Variants in SNX29 observed in about 807,000 individuals in gnomAD.
SNX29 encodes the protein sorting nexin 29, also known as sorting nexin-29.
In SNX29, 78 loss-of-function variants were observed where a neutral mutation model predicts 102.1. The observed-to-expected ratio is 0.76, with a 90% CI of 0.64 to 0.92. SNX29 has a LOEUF of 0.92. Among genes scored for constraint, SNX29 ranks in the 40% least tolerant of loss-of-function variants. The pLI is 0.00. For synonymous variants in SNX29, 580 were observed against 414.5 expected, an observed-to-expected ratio of 1.40 and a Z score of -4.85; for missense variants, 1,280 against 1,061.7, an observed-to-expected ratio of 1.21 and a Z score of -2.86.
chr16:12,305,906 A>T (rs1026985295), intron 15 of SNX29, among the ~76,000 whole-genome samples: 5 of 152,194 alleles, frequency 3.3e-5, no homozygotes, highest in Non-Finnish European at 7.3e-5. Flanking sequence ...GTAATATGCC[A>T]ATTCTCCAGC....
At chr16:12,064,738 GC>G (rs1310705874) in intron 9 of SNX29, among the ~76,000 whole-genome samples, 1 of 152,202 alleles carries the variant, frequency 6.6e-6, no homozygotes, top group Admixed American at 6.5e-5. Context: ...GAGGTGTGGG[GC>G]CGACTGGTGC....
chr16:12,010,356 C>T (rs1261282442), intron 3 of SNX29, among the ~76,000 whole-genome samples: 1 of 152,166 alleles, frequency 6.6e-6, no homozygotes, highest in Admixed American at 6.5e-5. Context: ...TGCAGTGGCC[C>T]GCACTTGTAA....
intron 18 of SNX29, among the ~76,000 whole-genome samples, chr16:12,420,918 C>T (rs762820240): frequency 2.6e-4 from 39 of 152,328 alleles, no homozygotes; most frequent in African/African-American, 8.4e-4. Context: ...CTTCTTGTCT[C>T]CTCCGCAGTT....
At chr16:12,394,826 C>T (rs1176797211) in intron 16 of SNX29, among the ~76,000 whole-genome samples, 1 of 152,240 alleles carries the variant, frequency 6.6e-6, no homozygotes, top group African/African-American at 2.4e-5. Flanking sequence ...AGTGATCTCT[C>T]TTGTCCTTGC....
chr16:12,042,318 C>T (rs1229711527), intron 4 of SNX29, among the ~76,000 whole-genome samples: 4 of 152,170 alleles, frequency 2.6e-5, no homozygotes, highest in Non-Finnish European at 5.9e-5. Flanking sequence ...CATGAGCCAC[C>T]GTTCCCAGCT....
intron 14 of SNX29, among the ~76,000 whole-genome samples, chr16:12,215,300 C>T (rs867350555): frequency 7.1e-6 from 1 of 140,368 alleles, no homozygotes; most frequent in South Asian, 2.7e-4. Flanking sequence ...GAGTTTGAGA[C>T]GCAATCTCTA....
chr16:12,549,046 C>T (rs1419861547), intron 20 of SNX29, among the ~76,000 whole-genome samples: 2 of 152,206 alleles, frequency 1.3e-5, no homozygotes, highest in Non-Finnish European at 2.9e-5. Context: ...TAGGTGAGTC[C>T]ACTCTTGCAG....
At chr16:12,347,825 C>T (rs1273984986) in intron 15 of SNX29, among the ~76,000 whole-genome samples, 17 of 151,224 alleles carry the variant, frequency 1.1e-4, no homozygotes, top group Non-Finnish European at 1.2e-4. Context: ...TGCCTATAAT[C>T]GTAGCACTTC....
At chr16:12,561,822 A>G (rs1005063693) in intron 20 of SNX29, among the ~76,000 whole-genome samples, 1 of 152,010 alleles carries the variant, frequency 6.6e-6, no homozygotes, top group Non-Finnish European at 1.5e-5. Context: ...CGCAGCTTAC[A>G]TCCTTCTCCC....
In SNX29 at chr16:12,390,891, AAAAAG is replaced by A. The variant is rs1345227632; in HGVS notation, c.1900-7545_1900-7541del. Among the ~76,000 whole-genome samples the A allele has an allele frequency of 8.8e-3, 1,334 of 152,102 alleles. 17 individuals are homozygous for A. The highest frequency in any genetic ancestry group is 0.03 in the African/African-American group (1,257 of 41,462). On this transcript the variant is annotated intron_variant, in intron 16 of 20. Transcript: ENST00000566228. ...TCTTGTTCAGTCTTTAAAAAAAAAAAAAAAGAAAAGAAAAAAACACTTACTTAGAA... is the reference window on the plus strand; with the variant it reads ...TCTTGTTCAGTCTTTAAAAAAAAAAAAAAAGAAAAAAACACTTACTTAGAA...
intron 1 of SNX29, among the ~76,000 whole-genome samples, chr16:11,995,483 G>A (rs1034711083): frequency 3.3e-5 from 5 of 152,048 alleles, no homozygotes; most frequent in Non-Finnish European, 4.4e-5. Context: ...CAGGAAGTGT[G>A]AGCCTCTGGG....
chr16:12,111,808 A>G (rs2053512912), intron 11 of SNX29, among the ~76,000 whole-genome samples: 1 of 152,182 alleles, frequency 6.6e-6, no homozygotes, highest in African/African-American at 2.4e-5. Flanking sequence ...AAGCAAAATC[A>G]TGGGAGTACG....
At chr16:12,556,796 C>T (rs749021598) in intron 20 of SNX29, among the ~76,000 whole-genome samples, 1 of 152,048 alleles carries the variant, frequency 6.6e-6, no homozygotes, top group Non-Finnish European at 1.5e-5. Flanking sequence ...CAACAGTTGC[C>T]CCCTTTACTA....
intron 15 of SNX29, among the ~76,000 whole-genome samples, chr16:12,352,513 TAA>T (rs112646643): frequency 6.7e-6 from 1 of 148,512 alleles, no homozygotes; most frequent in African/African-American, 2.5e-5. Context: ...ACTTAAAGTA[TAA>T]AAAAAAAAAT....
chr16:12,142,471 C>T (rs2054901034), intron 13 of SNX29, among the ~76,000 whole-genome samples: 1 of 152,172 alleles, frequency 6.6e-6, no homozygotes, highest in South Asian at 2.1e-4. Context: ...ATACACATGT[C>T]AGTCAAGAGG....
intron 19 of SNX29, among the ~76,000 whole-genome samples, chr16:12,514,267 C>T (rs1344304535): frequency 6.6e-6 from 1 of 152,126 alleles, no homozygotes; most frequent in African/African-American, 2.4e-5. Flanking sequence ...CCTGTCACTC[C>T]TTGGGGAAAG....
intron 13 of SNX29, among the ~76,000 whole-genome samples, chr16:12,198,855 G>A (rs940754274): frequency 3.3e-5 from 5 of 152,256 alleles, no homozygotes; most frequent in Non-Finnish European, 7.3e-5. Context: ...GAATGAATGA[G>A]TGGATGCATG....
At chr16:12,436,828 A>G (rs2085561885) in intron 18 of SNX29, among the ~76,000 whole-genome samples, 1 of 151,878 alleles carries the variant, frequency 6.6e-6, no homozygotes, top group African/African-American at 2.4e-5. Flanking sequence ...TAATTTTTGT[A>G]TTTTAGTAGA....
chr16:12,421,463 G>A (rs2084867558), intron 18 of SNX29, among the ~76,000 whole-genome samples: 1 of 152,156 alleles, frequency 6.6e-6, no homozygotes, highest in Non-Finnish European at 1.5e-5. Context: ...TGTAAACAGT[G>A]GAAATATTCC....
Sources: allele counts gnomAD v4.1 joint callset (sites outside exome capture counted in the v4.1 genomes callset), GRCh38; gene constraint gnomAD v4.1.1; transcripts MANE v1.5; gene names NCBI Gene and HGNC (gene_info 2026-07-23, HGNC 2026-07-21).